Variants in SLC6A11 observed in about 807,000 individuals in gnomAD.
The protein encoded by SLC6A11 is sodium- and chloride-dependent GABA transporter 3.
A neutral mutation model predicts 74.8 loss-of-function variants in SLC6A11; 25 were observed. That is an observed-to-expected ratio of 0.33 (90% CI 0.24 to 0.47). SLC6A11 has a LOEUF of 0.47. SLC6A11 is among the 20% of genes least tolerant of loss of function. The pLI is 1.00. For missense variants in SLC6A11, 574 were observed against 837.0 expected (o/e 0.69, Z 3.88); for synonymous variants, 330 against 330.2 (o/e 1.00, Z 0.01).
intron 5 of SLC6A11, among the ~76,000 whole-genome samples, chr3:10,850,820 T>C (rs1254033272): frequency 6.6e-6 from 1 of 152,134 alleles, no homozygotes; most frequent in Non-Finnish European, 1.5e-5. Context: ...CTGTGGCTGC[T>C]TGTTGTGAAT....
intron 6 of SLC6A11, among the ~76,000 whole-genome samples, chr3:10,890,055 G>C (rs968890434): frequency 6.6e-6 from 1 of 151,934 alleles, no homozygotes; most frequent in African/African-American, 2.4e-5. Flanking sequence ...TTACAACTCA[G>C]TTCCTCTGTT....
chr3:10,935,729 T>G (rs1695752762), intron 13 of SLC6A11, among the ~76,000 whole-genome samples: 2 of 152,242 alleles, frequency 1.3e-5, no homozygotes, highest in Admixed American at 6.5e-5. Context: ...AGTTAGCAGA[T>G]CACATGGTTA....
chr3:10,857,621 G>T (rs1694654131), intron 5 of SLC6A11, among the ~76,000 whole-genome samples: 2 of 152,276 alleles, frequency 1.3e-5, no homozygotes, highest in South Asian at 4.2e-4. Context: ...TGTCATAATT[G>T]TGATTGGCTC....
Position 10,926,284 on chromosome 3 carries a change from T to C in SLC6A11, c.1233+168T>C. ...CACCCTCCACTTCCCTCCCAGCAAC[T>C]CTTGCACCCCCGCCATCCACCAGGT... On this transcript the variant is annotated intron_variant, in intron 9 of 13. Coordinates refer to ENST00000254488, the MANE Select transcript of SLC6A11 (RefSeq NM_014229.3). This position sits in a 1 kb window ranked among gnomAD's most constrained non-coding sequence, Gnocchi z 5.7. Among the ~76,000 whole-genome samples the C allele has an allele frequency of 6.9e-6, 1 of 145,010 alleles. No homozygotes were observed. The highest frequency in any genetic ancestry group is 6.8e-5 in the Admixed American group (1 of 14,626).
chr3:10,919,775 A>G (rs911062982), intron 8 of SLC6A11, among the ~76,000 whole-genome samples: 7 of 152,134 alleles, frequency 4.6e-5, no homozygotes, highest in Non-Finnish European at 8.8e-5. Context: ...ACATCATCTC[A>G]CATGATGCTC....
chr3:10,932,472 C>T (rs898418897), intron 10 of SLC6A11, among the ~76,000 whole-genome samples: 2 of 152,156 alleles, frequency 1.3e-5, no homozygotes, highest in Admixed American at 1.3e-4. Context: ...ATTGTGAGCC[C>T]ACAAAACATG....
intron 13 of SLC6A11, among the ~76,000 whole-genome samples, chr3:10,937,934 G>A (rs1179053917): frequency 6.6e-6 from 1 of 152,238 alleles, no homozygotes; most frequent in Non-Finnish European, 1.5e-5. Flanking sequence ...AGTGGACCCT[G>A]ATGACCGCTC....
At chr3:10,893,808 A>G (rs1695137558) in intron 6 of SLC6A11, among the ~76,000 whole-genome samples, 1 of 152,074 alleles carries the variant, frequency 6.6e-6, no homozygotes, top group Non-Finnish European at 1.5e-5. Flanking sequence ...TCTAGCCCCC[A>G]TCCATGCATT....
intron 4 of SLC6A11, among the ~76,000 whole-genome samples, chr3:10,832,187 T>A (rs1694306496): frequency 6.6e-6 from 1 of 152,228 alleles, no homozygotes; most frequent in African/African-American, 2.4e-5. Flanking sequence ...AAAGCCAGCC[T>A]CTTGGCTCCT....
intron 3 of SLC6A11, among the ~76,000 whole-genome samples, chr3:10,822,230 G>T (rs907305719): frequency 1.3e-5 from 2 of 152,218 alleles, no homozygotes; most frequent in Non-Finnish European, 2.9e-5. Context: ...AAGCCAGCCG[G>T]GCTCCTGCTC....
At chr3:10,878,771 G>C (rs557261882) in intron 6 of SLC6A11, among the ~76,000 whole-genome samples, 4 of 151,872 alleles carry the variant, frequency 2.6e-5, no homozygotes, top group Non-Finnish European at 5.9e-5. Context: ...TTTTCTGATT[G>C]CCCACCATGC....
intron 6 of SLC6A11, among the ~76,000 whole-genome samples, chr3:10,911,006 C>G (rs2629122): frequency 0.68 from 103,236 of 151,734 alleles, 36,402 homozygotes; most frequent in Non-Finnish European, 0.75. Context: ...ATTTTTAGTA[C>G]AGACAGGGTT....
chr3:10,927,353 G>A (rs532915558), intron 9 of SLC6A11, among the ~76,000 whole-genome samples: 22 of 152,328 alleles, frequency 1.4e-4, no homozygotes, highest in African/African-American at 4.8e-4. Context: ...CTGGGGGCCC[G>A]AGGTCTGGCA....
At chr3:10,932,108 A>G (rs986436427) in intron 10 of SLC6A11, among the ~76,000 whole-genome samples, 3 of 151,760 alleles carry the variant, frequency 2.0e-5, no homozygotes, top group Non-Finnish European at 4.4e-5. Flanking sequence ...TATTGTAAAG[A>G]TTTTCTTTAG....
chr3:10,935,354 G>A, intron 13 of SLC6A11, 155 bp downstream of exon 13: 1 of 662,086 alleles, frequency 1.5e-6, no homozygotes. Flanking sequence ...CAGTATCATG[G>A]TTGTGCCCAA....
chr3:10,816,538 G>A lies in SLC6A11; in HGVS notation c.256+17G>A. The A allele has an allele frequency of 6.4e-7, 1 of 1,571,876 alleles. No homozygotes were observed. The highest frequency in any genetic ancestry group is 2.4e-5 in the East Asian group (1 of 40,950). ...ACGGAGGAGGTGAGGTGATAGTGAGGAGAAGGGGAGGGGGCGCCAACCGCC... is the reference window on the plus strand; with the variant it reads ...ACGGAGGAGGTGAGGTGATAGTGAGAAGAAGGGGAGGGGGCGCCAACCGCC... On this transcript the variant is annotated intron_variant, in intron 1 of 13. Coordinates refer to ENST00000254488, the MANE Select transcript of SLC6A11 (RefSeq NM_014229.3). This position sits in a 1 kb window ranked among gnomAD's most constrained non-coding sequence, Gnocchi z 4.2.
chr3:10,917,446 C>T (rs1364793470), intron 7 of SLC6A11, among the ~76,000 whole-genome samples: 1 of 152,142 alleles, frequency 6.6e-6, no homozygotes, highest in Non-Finnish European at 1.5e-5. Flanking sequence ...CACCTGGCAG[C>T]TCCTCCCCTA....
At chr3:10,840,928 C>G (rs1230308512) in intron 4 of SLC6A11, among the ~76,000 whole-genome samples, 1 of 152,138 alleles carries the variant, frequency 6.6e-6, no homozygotes, top group Non-Finnish European at 1.5e-5. Flanking sequence ...ATCATTATTC[C>G]CATTTTACAG....
At chr3:10,932,838 C>G (rs1695708887) in intron 10 of SLC6A11, among the ~76,000 whole-genome samples, 1 of 152,086 alleles carries the variant, frequency 6.6e-6, no homozygotes, top group Non-Finnish European at 1.5e-5. Context: ...GCTGTTATAC[C>G]CATCCAGGGA....
Sources: gnomAD v4.1 joint callset for allele counts (sites outside exome capture counted in the v4.1 genomes callset) on GRCh38, gnomAD v4.1.1 for gene constraint, Gnocchi (gnomAD v3.1) non-coding constraint, MANE v1.5 for transcripts, NCBI Gene and HGNC (gene_info 2026-07-23, HGNC 2026-07-21) for gene names.